The following SGCD variants were observed in gnomAD, a reference collection of about 807,000 sequenced individuals.
SGCD encodes sarcoglycan delta.
SGCD carries 18 observed loss-of-function variants against 36.6 expected under a neutral mutation model. That is an observed-to-expected ratio of 0.49 (90% confidence interval 0.34 to 0.73). The LOEUF (loss-of-function observed/expected upper bound fraction) is 0.73. SGCD is among the 30% of genes least tolerant of loss of function. SGCD has a pLI of 0.01. For missense variants in SGCD, 387 were observed against 346.7 expected, an observed-to-expected ratio of 1.12 and a Z score of -0.92; for synonymous variants, 133 against 130.6, an observed-to-expected ratio of 1.02 and a Z score of -0.12.
intron 7 of SGCD, among the ~76,000 whole-genome samples, chr5:156,686,243 G>A (rs1753900440): frequency 6.6e-6 from 1 of 152,154 alleles, no homozygotes; most frequent in Non-Finnish European, 1.5e-5. Flanking sequence ...AGGTCATATT[G>A]CATGTAAATG....
intron 3 of SGCD, among the ~76,000 whole-genome samples, chr5:156,371,595 A>G (rs1170213488): frequency 1.3e-5 from 2 of 152,194 alleles, no homozygotes; most frequent in South Asian, 2.1e-4. Context: ...GTGAGAAGTA[A>G]GCCCGGAATC....
chr5:155,922,832 G>GACT (rs1294448755), intron 1 of SGCD, among the ~76,000 whole-genome samples: 31 of 152,290 alleles, frequency 2.0e-4, no homozygotes, highest in African/African-American at 6.5e-4. Context: ...ATTTGAGGTT[G>GACT]GCTGTTTCAT....
At chr5:155,774,325 C>T in the SGCD span, among the ~76,000 whole-genome samples, 2 of 152,146 alleles carry the variant, frequency 1.3e-5, no homozygotes, top group East Asian at 3.9e-4. Context: ...ACTTTGGTAA[C>T]ATTCTTTCCC....
intron 7 of SGCD, among the ~76,000 whole-genome samples, chr5:156,728,853 A>G (rs1755916805): frequency 6.6e-6 from 1 of 152,118 alleles, no homozygotes; most frequent in African/African-American, 2.4e-5. Flanking sequence ...ATAACTGATG[A>G]TTGATGTTGT....
At position 156,347,618 on chromosome 5, in the gene SGCD, A is replaced by G. The variant is rs139195590; in HGVS notation, c.192+2941A>G. ...TACTCATGTATACCTTTAGTCCCCT[A>G]TTTGAAGCTATCCTCTTAATCCCTT... On this transcript the variant is annotated intron_variant, in intron 3 of 8. Coordinates refer to ENST00000337851, the MANE Select transcript of SGCD (RefSeq NM_000337.6). Among the ~76,000 whole-genome samples, 60 of 152,248 alleles carry G rather than the reference A, an allele frequency of 3.9e-4. 2 individuals carry two copies. In the East Asian group the frequency reaches 0.011, roughly 28 times the overall value.
At chr5:156,589,744 A>G (rs1760648513) in intron 5 of SGCD, among the ~76,000 whole-genome samples, 1 of 152,172 alleles carries the variant, frequency 6.6e-6, no homozygotes, top group Non-Finnish European at 1.5e-5. Flanking sequence ...ATTTTTAACT[A>G]TAGTTTGAAC....
intron 7 of SGCD, among the ~76,000 whole-genome samples, chr5:156,650,231 C>T (rs537618707): frequency 3.4e-4 from 52 of 152,212 alleles, no homozygotes; most frequent in African/African-American, 1.2e-3. Flanking sequence ...CTCCTAAGTC[C>T]AGTGCAACAA....
intron 3 of SGCD, among the ~76,000 whole-genome samples, chr5:156,170,560 G>T (rs1763318801): frequency 6.6e-6 from 1 of 152,200 alleles, no homozygotes; most frequent in South Asian, 2.1e-4. Context: ...GTGCTTTTGT[G>T]ATAGTCATAA....
At chr5:155,798,749 A>G in the SGCD span, among the ~76,000 whole-genome samples, 1 of 152,304 alleles carries the variant, frequency 6.6e-6, no homozygotes, top group East Asian at 1.9e-4. Context: ...TTAAAACAAA[A>G]GAAAAAAATT....
intron 3 of SGCD, among the ~76,000 whole-genome samples, chr5:156,463,596 C>T (rs1015011854): frequency 6.6e-6 from 1 of 152,028 alleles, no homozygotes; most frequent in African/African-American, 2.4e-5. Context: ...AAAGGGAGAA[C>T]TGAGTAGATC....
chr5:156,487,720 G>A (rs1370460742), intron 3 of SGCD, among the ~76,000 whole-genome samples: 3 of 143,962 alleles, frequency 2.1e-5, no homozygotes, highest in South Asian at 2.2e-4. Context: ...CCCAGGAGGT[G>A]GAAGTTGCAG....
chr5:156,427,361 A>G (rs1773719456), intron 3 of SGCD, among the ~76,000 whole-genome samples: 1 of 152,076 alleles, frequency 6.6e-6, no homozygotes, highest in Non-Finnish European at 1.5e-5. Context: ...TTGGTGTATA[A>G]CAGTGCTATT....
At chr5:155,917,982 T>C (rs978739411) in intron 1 of SGCD, among the ~76,000 whole-genome samples, 26 of 152,292 alleles carry the variant, frequency 1.7e-4, no homozygotes, top group African/African-American at 6.0e-4. Context: ...TTGTGTTCTA[T>C]TTTTTGGCCA....
At chr5:155,758,732 A>G in the SGCD span, among the ~76,000 whole-genome samples, 5 of 152,220 alleles carry the variant, frequency 3.3e-5, no homozygotes, top group African/African-American at 1.2e-4. Flanking sequence ...TTCATTCCCA[A>G]ATCACCACCC....
the SGCD span, among the ~76,000 whole-genome samples, chr5:155,820,108 T>G: frequency 9.5e-4 from 144 of 152,264 alleles, no homozygotes; most frequent in African/African-American, 3.3e-3. Context: ...CAGTTGGGTT[T>G]TCTAGTCCTT....
rs759287936 is a variant in SGCD at position 156,762,384 on chromosome 5, T to A, written c.*2994T>A. ...TCTGCTCAAGAAGTCATAGAAGTCT[T>A]GGGAAACTATTCGAGTATCACAGAG... On this transcript the variant is annotated 3_prime_UTR_variant, in exon 9 of 9. Transcript: ENST00000337851. The A allele has an allele frequency of 3.9e-5, 6 of 152,666 alleles. No individual in the cohort carries two copies. Among genetic ancestry groups the A allele is most frequent in the Non-Finnish European group, 7.3e-5 (5 of 68,046 alleles). 9.5% of individuals were successfully genotyped at this position (152,666 alleles called of 1,614,324 possible).
At chr5:156,208,659 C>T (rs892314791) in intron 3 of SGCD, among the ~76,000 whole-genome samples, 2 of 152,190 alleles carry the variant, frequency 1.3e-5, no homozygotes, top group African/African-American at 4.8e-5. Context: ...AACTATTTCT[C>T]TACTGAATAT....
intron 1 of SGCD, among the ~76,000 whole-genome samples, chr5:156,078,166 A>AT (rs1321702093): frequency 6.6e-6 from 1 of 151,870 alleles, no homozygotes; most frequent in Non-Finnish European, 1.5e-5. Flanking sequence ...CAGTTTGCTT[A>AT]TTTTTTTATT....
chr5:156,285,131 T>C (rs1465856417), intron 3 of SGCD, among the ~76,000 whole-genome samples: 1 of 152,104 alleles, frequency 6.6e-6, no homozygotes, highest in Non-Finnish European at 1.5e-5. Flanking sequence ...ATGAAGGACC[T>C]CTTCAAGGAG....
Sources: allele counts gnomAD v4.1 joint callset (sites outside exome capture counted in the v4.1 genomes callset), GRCh38; gene constraint gnomAD v4.1.1; transcripts MANE v1.5; gene names NCBI Gene and HGNC (gene_info 2026-07-23, HGNC 2026-07-21).